ECPAS: variants seen among roughly 807,000 people sequenced by gnomAD.
ECPAS encodes the protein proteasome adapter and scaffold protein ECM29.
ECPAS carries 70 observed loss-of-function variants against 255.1 expected under a neutral mutation model. That is an observed-to-expected ratio of 0.27 (90% CI 0.23 to 0.33). The LOEUF is 0.33. ECPAS is among the 10% of genes least tolerant of loss of function. The probability of loss-of-function intolerance (pLI) is 1.00; values close to 1 mark genes in which losing one functional copy is unlikely to be tolerated. For synonymous variants in ECPAS, 784 were observed against 775.0 expected (o/e 1.01, Z -0.19); for missense variants, 1,817 against 2,206.4 (o/e 0.82, Z 3.54).
chr9:111,425,679 A>G, intron 11 of ECPAS, 64 bp downstream of exon 11: 1 of 1,066,736 alleles, frequency 9.4e-7, no homozygotes, highest in South Asian at 1.5e-5. Flanking sequence ...AAAACGATAC[A>G]CTTGAAGCAC....
chr9:111,414,465 T>G lies in ECPAS; in HGVS notation c.1951A>C (p.Ile651Leu). The change falls in exon 19 of 50, where the codon ATT (isoleucine) becomes CTT (leucine). Residue 651 changes from isoleucine to leucine, a missense_variant. Ile to Leu is a conservative substitution (Grantham distance 5). Around this residue, in one of 4 missense-constraint regions of ECPAS, gnomAD observed 573 missense variants for 716.2 expected, o/e 0.80. Coordinates refer to ENST00000684092, the MANE Select transcript of ECPAS (RefSeq NM_001364929.1). The part of the protein sequence containing the change: ...SGETNPVQIY[I>L]GLLQQLLAGV... ...GCTAACAGCTGCTGAAGCAGGCCAA[T>G]GTAGATCTGGACAGGGTTAGTCTCC... The G allele has an allele frequency of 6.2e-7, 1 of 1,614,002 alleles. No homozygotes were observed. The highest frequency in any genetic ancestry group is 8.5e-7 in the Non-Finnish European group (1 of 1,179,862).
chr9:111,373,177 C>G lies in ECPAS; in HGVS notation c.4329G>C (p.Glu1443Asp). ...LLQKLNGWYM[E>D]KEEPIYKTSC... ...ATAGAAAAAGAAAGGTACCTTCTTT[C>G]TCCATATACCACCCATTGAGCTTCT... is the stretch of plus-strand genomic sequence containing the variant. Residue 1443 changes from glutamate to aspartate, a missense_variant, in exon 41 of 50, where the codon GAG becomes GAC. By Grantham distance (45) the Glu-to-Asp change is conservative. This residue lies in a region of ECPAS where 960 missense variants were observed against 1,179.0 expected (regional missense o/e 0.81). Transcript: ENST00000684092. 6.2e-7 allele frequency: 1 copy of G among 1,612,816 alleles called. No homozygotes were observed. Among genetic ancestry groups the G allele is most frequent in the Non-Finnish European group, 8.5e-7 (1 of 1,178,838 alleles).
intron 10 of ECPAS, among the ~76,000 whole-genome samples, chr9:111,427,205 CCAAGA>C (rs1385997121): frequency 6.7e-5 from 10 of 150,174 alleles, no homozygotes; most frequent in Non-Finnish European, 1.0e-4. Context: ...TGAATGTGGG[CCAAGA>C]CTAGAGGCAG....
chr9:111,414,519 T>A lies in ECPAS; in HGVS notation c.1897A>T (p.Met633Leu). ...YIRTLMSSGQ[M>L]APSSSNKSGE... Reference sequence around the variant, plus strand: ...CTCTTGTTAGATGATGAGGGTGCCATCTGCCCGCTTGACATTAAAGTCCGT... The same window carrying A: ...CTCTTGTTAGATGATGAGGGTGCCAACTGCCCGCTTGACATTAAAGTCCGT... Residue 633 changes from methionine (M) to leucine (L), a missense_variant, in exon 19 of 50, where the codon ATG (methionine) becomes TTG (leucine). Coordinates refer to ENST00000684092, the MANE Select transcript of ECPAS (RefSeq NM_001364929.1). The A allele has an allele frequency of 2.5e-6, 4 of 1,614,034 alleles. No homozygotes were observed. The highest frequency in any genetic ancestry group is 3.4e-6 in the Non-Finnish European group (4 of 1,179,888).
chr9:111,423,133 TA>T, intron 13 of ECPAS, 65 bp downstream of exon 13: 2 of 1,074,228 alleles, frequency 1.9e-6, no homozygotes, highest in Admixed American at 4.5e-5. Flanking sequence ...CCGCCATTAT[TA>T]AATGCCACAT....
Position 111,430,565 on chromosome 9 carries a change from T to C in ECPAS, c.912A>G (p.Ile304Met). The C allele has an allele frequency of 6.3e-7, 1 of 1,594,998 alleles. No homozygotes were observed. Among genetic ancestry groups the C allele is most frequent in the Non-Finnish European group, 8.6e-7 (1 of 1,167,442 alleles). Reference protein sequence around the residue: ...NKMYKVYLGDIPLKTKEGAVL... With the variant: ...NKMYKVYLGDMPLKTKEGAVL... ...AACCTACCTCTTTTGTCTTCAGTGG[T>C]ATATCTCCAAGGTACACCTTGTACA... The change falls in exon 9 of 50, where the codon ATA becomes ATG. Residue 304 changes from isoleucine to methionine, a missense_variant. Around this residue, in one of 4 missense-constraint regions of ECPAS, gnomAD observed 573 missense variants for 716.2 expected, o/e 0.80. Transcript: ENST00000684092.
intron 33 of ECPAS, 69 bp from the exon 34 acceptor site, chr9:111,384,638 A>G (rs2098145192): frequency 1.4e-6 from 2 of 1,388,478 alleles, no homozygotes; most frequent in South Asian, 1.2e-5. Context: ...TACAATTTGC[A>G]ATTTAATTGC....
intron 29 of ECPAS, 90 bp from the exon 30 acceptor site, chr9:111,390,191 A>G (rs1400511295): frequency 4.4e-6 from 3 of 680,542 alleles, no homozygotes; most frequent in South Asian, 2.4e-5. Context: ...AGGACATACT[A>G]AAATCAAATT....
chr9:111,460,910 C>T (rs2132018318), intron 2 of ECPAS, among the ~76,000 whole-genome samples: 1 of 152,280 alleles, frequency 6.6e-6, no homozygotes, highest in African/African-American at 2.4e-5. Flanking sequence ...TTGGGTAACA[C>T]TAAAAAGCTG....
At position 111,361,345 on chromosome 9, in the gene ECPAS, T is replaced by G. The variant is rs1194735596; in HGVS notation, c.*685A>C. The G allele has an allele frequency of 4.6e-5, 7 of 152,178 alleles. No individual in the cohort carries two copies. The highest frequency in any genetic ancestry group is 4.6e-4 in the Admixed American group (7 of 15,272). 9.4% of individuals were successfully genotyped at this position (152,178 alleles called of 1,614,324 possible). On this transcript the variant is annotated 3_prime_UTR_variant, in exon 50 of 50. Coordinates refer to ENST00000684092, the MANE Select transcript of ECPAS (RefSeq NM_001364929.1). ...CATCTGTAAAGATGCTAAACAATCA[T>G]TTTCTCCAAATCAACCACCTAAACA...
rs551979158 is a variant in ECPAS, at chr9:111,422,298, A to G, written c.1266-98T>C. ...AACACAAATTTTCCTGAACTCTCTG[A>G]AGACAATGTCAGCATCATTACCCGC... On this transcript the variant is annotated intron_variant, in intron 13 of 49. Coordinates refer to ENST00000684092, the MANE Select transcript of ECPAS (RefSeq NM_001364929.1). 2.5e-5 allele frequency: 32 copies of G among 1,289,052 alleles called. No individual in the cohort carries two copies. The South Asian group carries it at 3.8e-4, about 15-fold the overall frequency. 79.9% of individuals were successfully genotyped at this position (1,289,052 alleles called of 1,614,324 possible).
In ECPAS at chr9:111,402,705, A is replaced by G. The variant is rs562876197; in HGVS notation, c.2653-5552T>C. On this transcript the variant is annotated intron_variant, in intron 24 of 49. Transcript: ENST00000684092. Reference sequence around the variant, plus strand: ...TACTGGAATTAAAACAGAGTTTTTAAGTTTTTTCTTTGCTTGTTTTTGTTC... The same window carrying G: ...TACTGGAATTAAAACAGAGTTTTTAGGTTTTTTCTTTGCTTGTTTTTGTTC... Among the ~76,000 whole-genome samples the G allele has an allele frequency of 1.3e-4, 20 of 152,312 alleles. 1 individual carries two copies. In the South Asian group the frequency reaches 3.9e-3, roughly 30 times the overall value.
chr9:111,439,514 T>C (rs1353949533), intron 6 of ECPAS, among the ~76,000 whole-genome samples: 4 of 152,098 alleles, frequency 2.6e-5, no homozygotes, highest in Non-Finnish European at 5.9e-5. Context: ...AGGGATCTGT[T>C]CGGCCCCCCC....
chr9:111,378,243 A>G (rs571900817), intron 36 of ECPAS, among the ~76,000 whole-genome samples: 3 of 152,330 alleles, frequency 2.0e-5, no homozygotes, highest in Admixed American at 1.3e-4. Flanking sequence ...GAGATATGCC[A>G]AAGTCTAGGT....
chr9:111,413,821 G>A (rs545994170), intron 20 of ECPAS, 74 bp downstream of exon 20: 19 of 926,230 alleles, frequency 2.1e-5, no homozygotes, highest in South Asian at 1.7e-4. Context: ...GGATCCCGCT[G>A]GCAGGAAAAA....
At chr9:111,451,017 T>A (rs995552499) in intron 3 of ECPAS, among the ~76,000 whole-genome samples, 7 of 152,252 alleles carry the variant, frequency 4.6e-5, no homozygotes, top group Non-Finnish European at 1.0e-4. Flanking sequence ...ACAGGAGCTA[T>A]AAAATTATTT....
chr9:111,444,420 C>A lies in ECPAS; in HGVS notation c.228G>T (p.Leu76=). The stretch of plus-strand genomic sequence containing the variant: ...CAGCAGGGTCCTGGTACTGAACCAA[C>A]AGTGTCTCTACTGGAAGTTGTATTT... ...RPKIQLPVET[L]LVQYQDPAAV... is the part of the protein sequence containing the mutation. The change falls in exon 4 of 50, where the codon CTG becomes CTT. Residue 76 remains leucine, a synonymous_variant. Coordinates refer to ENST00000684092, the MANE Select transcript of ECPAS (RefSeq NM_001364929.1). The A allele has an allele frequency of 6.2e-7, 1 of 1,613,898 alleles. No homozygotes were observed. The highest frequency in any genetic ancestry group is 1.1e-5 in the South Asian group (1 of 91,074).
At chr9:111,394,758 G>C (rs1407101914) in intron 25 of ECPAS, among the ~76,000 whole-genome samples, 1 of 152,136 alleles carries the variant, frequency 6.6e-6, no homozygotes, top group South Asian at 2.1e-4. Flanking sequence ...TACACTGCAG[G>C]ATGTCTAGCA....
chr9:111,381,641 C>T (rs921561899), intron 35 of ECPAS, among the ~76,000 whole-genome samples: 2 of 152,206 alleles, frequency 1.3e-5, no homozygotes, highest in African/African-American at 4.8e-5. Flanking sequence ...CACTAAGTGA[C>T]GTGTGACTGC....
Sources: gnomAD v4.1 joint callset for allele counts (sites outside exome capture counted in the v4.1 genomes callset) on GRCh38, gnomAD v4.1.1 for gene constraint, gnomAD v4.1.1 regional missense constraint, MANE v1.5 for transcripts, NCBI Gene and HGNC (gene_info 2026-07-23, HGNC 2026-07-21) for gene names.